Variants in ASIC2 observed in about 807,000 individuals in gnomAD.
ASIC2 encodes the protein acid sensing ion channel subunit 2.
In ASIC2, 25 loss-of-function variants were observed where a neutral mutation model predicts 57.3. The observed-to-expected ratio is 0.44, with a 90% CI of 0.32 to 0.61. ASIC2 has a LOEUF of 0.61. Ranked by LOEUF, ASIC2 falls within the 20% of genes least tolerant of loss-of-function variation. The pLI, the probability that ASIC2 is intolerant of heterozygous loss-of-function variation, is 0.06. For synonymous variants in ASIC2, 319 were observed against 307.5 expected, an observed-to-expected ratio of 1.04 and a Z score of -0.39; for missense variants, 641 against 738.1, an observed-to-expected ratio of 0.87 and a Z score of 1.52.
chr17:34,143,696 G>A lies in ASIC2; in HGVS notation c.555+12282C>T, dbSNP rs182033567. Among the ~76,000 whole-genome samples, 21 of 152,284 alleles carry A rather than the reference G, an allele frequency of 1.4e-4. 1 individual carries two copies. The highest frequency in any genetic ancestry group is 1.0e-3 in the South Asian group (5 of 4,824). ...TGGGAGTACAGCCAGAACACTGGGC[G>A]TCAAACTTGTGAATGAAACTTTGCC... On this transcript the variant is annotated intron_variant, in intron 1 of 9. Transcript: ENST00000359872.
At chr17:33,302,974 A>G (rs532486915) in intron 1 of ASIC2, among the ~76,000 whole-genome samples, 1 of 152,318 alleles carries the variant, frequency 6.6e-6, no homozygotes, top group Non-Finnish European at 1.5e-5. Flanking sequence ...CATAGATTAA[A>G]TCGTAATGGC....
chr17:33,703,310 G>A (rs1304768353), intron 1 of ASIC2, among the ~76,000 whole-genome samples: 1 of 126,308 alleles, frequency 7.9e-6, no homozygotes, highest in Admixed American at 7.7e-5. Flanking sequence ...TTGGTAGTTT[G>A]GTTTCTTTTT....
chr17:33,032,037 A>G (rs1289586521), intron 3 of ASIC2, among the ~76,000 whole-genome samples: 1 of 152,040 alleles, frequency 6.6e-6, no homozygotes, highest in Non-Finnish European at 1.5e-5. Flanking sequence ...CATCTATTTG[A>G]GTGTTGTATC....
rs532032361 is a variant in ASIC2 at position 33,889,308 on chromosome 17, G to A, written c.555+266670C>T. ...TTCCCTAAAGTCACGGTTGCTACTT[G>A]AAACTCAAAACTAAGAGGCATTGAG... On this transcript the variant is annotated intron_variant, in intron 1 of 9. Transcript: ENST00000359872. 2.6e-5 allele frequency among the ~76,000 whole-genome samples: 4 copies of A among 152,258 alleles called. No individual in the cohort carries two copies. In the East Asian group the frequency reaches 5.8e-4, roughly 22 times the overall value.
intron 1 of ASIC2, among the ~76,000 whole-genome samples, chr17:33,799,403 T>TTTCTTTCTTTCTTTCTTTCTTTTC: frequency 1.9e-5 from 1 of 51,362 alleles, no homozygotes; most frequent in African/African-American, 6.4e-5. Context: ...TCTTTCTTTC[T>TTTCTTTCTTTCTTTCTTTCTTTTC]TTTCTTTCTT....
chr17:33,306,105 A>G (rs1906159847), intron 1 of ASIC2, among the ~76,000 whole-genome samples: 1 of 152,270 alleles, frequency 6.6e-6, no homozygotes, highest in African/African-American at 2.4e-5. Context: ...ATGACAGACC[A>G]GTTTTTACCA....
At chr17:34,016,489 C>A (rs8073673) in intron 1 of ASIC2, among the ~76,000 whole-genome samples, 24,814 of 149,800 alleles carry the variant, frequency 0.17, 6,039 homozygotes, top group African/African-American at 0.54. Context: ...CTTTACAGCG[C>A]AACATTATGA....
chr17:33,261,659 T>C (rs553624501), intron 1 of ASIC2, among the ~76,000 whole-genome samples: 2 of 152,310 alleles, frequency 1.3e-5, no homozygotes, highest in East Asian at 3.9e-4. Flanking sequence ...TTAGGACTCA[T>C]AACTGTCCTT....
chr17:33,046,233 C>T (rs60795732), intron 3 of ASIC2, among the ~76,000 whole-genome samples: 5,921 of 152,120 alleles, frequency 0.039, 422 homozygotes, highest in African/African-American at 0.14. Flanking sequence ...GTCAGGAGTG[C>T]GTTTGTTGGG....
At chr17:33,728,269 C>G (rs746301903) in intron 1 of ASIC2, among the ~76,000 whole-genome samples, 2 of 152,170 alleles carry the variant, frequency 1.3e-5, no homozygotes, top group Non-Finnish European at 1.5e-5. Context: ...GGGTTTGGCT[C>G]TAGCTGGGAC....
intron 1 of ASIC2, among the ~76,000 whole-genome samples, chr17:33,720,220 T>C (rs1909345861): frequency 6.6e-6 from 1 of 152,184 alleles, no homozygotes. Flanking sequence ...CAGCCTGGTT[T>C]GTATTGTTAA....
chr17:34,031,123 G>A (rs1418898116), intron 1 of ASIC2, among the ~76,000 whole-genome samples: 1 of 152,212 alleles, frequency 6.6e-6, no homozygotes, highest in African/African-American at 2.4e-5. Flanking sequence ...AGTAGGGGCA[G>A]ACTGACAATT....
intron 7 of ASIC2, among the ~76,000 whole-genome samples, 154 bp from the exon 8 acceptor site, chr17:33,017,838 C>G (rs148801940): frequency 6.6e-6 from 1 of 152,364 alleles, no homozygotes; most frequent in South Asian, 2.1e-4. Context: ...GCAGTTCCTT[C>G]CCTCACGGCA....
At chr17:33,537,824 G>A (rs1329220929) in intron 1 of ASIC2, among the ~76,000 whole-genome samples, 3 of 152,196 alleles carry the variant, frequency 2.0e-5, no homozygotes, top group Non-Finnish European at 1.5e-5. Flanking sequence ...CGAGCCTCAG[G>A]TCAGTATCTG....
intron 1 of ASIC2, chr17:34,039,574 G>A: frequency 6.2e-7 from 1 of 1,613,960 alleles, no homozygotes; most frequent in Non-Finnish European, 8.5e-7. Flanking sequence ...ACTTCTGCCA[G>A]GGCTGGTTCC....
intron 1 of ASIC2, among the ~76,000 whole-genome samples, chr17:33,620,771 A>G (rs1410802085): frequency 6.6e-6 from 1 of 152,158 alleles, no homozygotes; most frequent in East Asian, 1.9e-4. Context: ...TGCTCAGTAA[A>G]ACTAGGGGTA....
At chr17:33,611,247 T>A (rs370746330) in intron 1 of ASIC2, among the ~76,000 whole-genome samples, 1 of 152,100 alleles carries the variant, frequency 6.6e-6, no homozygotes, top group Non-Finnish European at 1.5e-5. Context: ...CTGTGCTGGA[T>A]GGTGGATGAC....
chr17:33,964,394 T>A (rs1905017279), intron 1 of ASIC2, among the ~76,000 whole-genome samples: 1 of 152,212 alleles, frequency 6.6e-6, no homozygotes, highest in East Asian at 1.9e-4. Flanking sequence ...CTCTCTAAAT[T>A]GGCCTGGCAA....
intron 1 of ASIC2, among the ~76,000 whole-genome samples, chr17:34,093,320 C>T (rs557723912): frequency 1.3e-5 from 2 of 152,278 alleles, no homozygotes; most frequent in African/African-American, 4.8e-5. Flanking sequence ...TAAGCAGTCT[C>T]TTGTTTCCCT....
Sources: allele counts gnomAD v4.1 joint callset (sites outside exome capture counted in the v4.1 genomes callset), GRCh38; gene constraint gnomAD v4.1.1; transcripts MANE v1.5; gene names NCBI Gene and HGNC (gene_info 2026-07-23, HGNC 2026-07-21).